Variants in VWA3B observed in about 807,000 individuals in gnomAD.
VWA3B encodes the protein von Willebrand factor A domain-containing protein 3B.
In VWA3B, 138 loss-of-function variants were observed where a neutral mutation model predicts 158.3. That is an observed-to-expected ratio of 0.87 (90% confidence interval 0.76 to 1.00). The LOEUF (loss-of-function observed/expected upper bound fraction) is 1.00. Among genes scored for constraint, VWA3B ranks in the 50% least tolerant of loss-of-function variants. The pLI is 0.00. For synonymous variants in VWA3B, 596 were observed against 587.3 expected (o/e 1.01, Z -0.21); for missense variants, 1,555 against 1,565.1 (o/e 0.99, Z 0.11).
chr2:98,135,562 C>T (rs1240066937), intron 7 of VWA3B, among the ~76,000 whole-genome samples: 5 of 151,662 alleles, frequency 3.3e-5, no homozygotes, highest in Non-Finnish European at 7.4e-5. Context: ...GTCTCGATCT[C>T]CTGACCTCGT....
intron 19 of VWA3B, among the ~76,000 whole-genome samples, chr2:98,239,918 A>G (rs1222924681): frequency 1.3e-5 from 2 of 152,054 alleles, no homozygotes; most frequent in Non-Finnish European, 2.9e-5. Flanking sequence ...ATCTAAAAAA[A>G]AAAAAAGAAA....
At chr2:98,195,314 A>T (rs1681951983) in intron 12 of VWA3B, among the ~76,000 whole-genome samples, 1 of 152,204 alleles carries the variant, frequency 6.6e-6, no homozygotes, top group Non-Finnish European at 1.5e-5. Flanking sequence ...TATCAGAAAC[A>T]TCTTTAAAGT....
chr2:98,305,377 G>A (rs1315262846), intron 26 of VWA3B, among the ~76,000 whole-genome samples: 1 of 152,146 alleles, frequency 6.6e-6, no homozygotes, highest in Non-Finnish European at 1.5e-5. Context: ...AAGAGCATTG[G>A]AACCAAGATT....
intron 12 of VWA3B, among the ~76,000 whole-genome samples, chr2:98,195,338 G>C (rs755695097): frequency 6.6e-6 from 1 of 152,150 alleles, no homozygotes; most frequent in Non-Finnish European, 1.5e-5. Context: ...TTAGTGTCTA[G>C]TTTAGAGTCT....
At chr2:98,264,945 T>A (rs1404898953) in intron 21 of VWA3B, among the ~76,000 whole-genome samples, 1 of 152,158 alleles carries the variant, frequency 6.6e-6, no homozygotes, top group Non-Finnish European at 1.5e-5. Flanking sequence ...TATGGACATT[T>A]TAACAATTAA....
intron 20 of VWA3B, 75 bp downstream of exon 20, chr2:98,250,511 G>T: frequency 6.8e-6 from 8 of 1,182,986 alleles, no homozygotes; most frequent in Middle Eastern, 2.2e-4. Context: ...TCTTGTTTTA[G>T]CTTAGCTTTT....
At chr2:98,088,845 C>T (rs1020437350) in intron 1 of VWA3B, among the ~76,000 whole-genome samples, 4 of 152,070 alleles carry the variant, frequency 2.6e-5, no homozygotes, top group Admixed American at 6.5e-5. Flanking sequence ...CCTCTGCCCC[C>T]TGGGTTCAAG....
intron 1 of VWA3B, among the ~76,000 whole-genome samples, chr2:98,092,504 A>G (rs534494535): frequency 3.5e-4 from 54 of 152,152 alleles, no homozygotes; most frequent in South Asian, 1.5e-3. Context: ...TTAGCTGGGC[A>G]TGGTGGCACG....
intron 2 of VWA3B, among the ~76,000 whole-genome samples, chr2:98,095,191 A>G (rs1427058066): frequency 6.6e-6 from 1 of 152,182 alleles, no homozygotes; most frequent in Non-Finnish European, 1.5e-5. Flanking sequence ...TAGGGGTTAC[A>G]CTAAATCTGT....
chr2:98,254,379 G>A (rs1367073005), intron 20 of VWA3B, among the ~76,000 whole-genome samples: 3 of 152,122 alleles, frequency 2.0e-5, no homozygotes, highest in Non-Finnish European at 4.4e-5. Flanking sequence ...AGGGGATTGT[G>A]AATGGGTTTT....
At chr2:98,315,682 A>C (rs969287724), downstream of VWA3B, among the ~76,000 whole-genome samples, 3 of 152,248 alleles carry the variant, frequency 2.0e-5, no homozygotes, top group East Asian at 5.8e-4. Context: ...TAGATGAAAA[A>C]CTGTCCTTAT....
At chr2:98,327,926 T>C in the VWA3B span, among the ~76,000 whole-genome samples, 1 of 152,178 alleles carries the variant, frequency 6.6e-6, no homozygotes, top group Non-Finnish European at 1.5e-5. Context: ...GGCCCTGACA[T>C]TGTAAGCCCT....
At chr2:98,215,718 G>A (rs1289439384) in intron 13 of VWA3B, among the ~76,000 whole-genome samples, 1 of 151,878 alleles carries the variant, frequency 6.6e-6, no homozygotes, top group African/African-American at 2.4e-5. Flanking sequence ...GGGTTTCACC[G>A]TGTTAGCCAG....
At chr2:98,194,092 A>G in intron 11 of VWA3B, among the ~76,000 whole-genome samples, 1 of 152,334 alleles carries the variant, frequency 6.6e-6, no homozygotes, top group South Asian at 2.1e-4. Context: ...ATGTCACATT[A>G]TATATATAAA....
chr2:98,180,175 C>T (rs1001690345), intron 8 of VWA3B, among the ~76,000 whole-genome samples: 1 of 138,454 alleles, frequency 7.2e-6, no homozygotes, highest in Non-Finnish European at 1.6e-5. Context: ...TTCTCTCTCT[C>T]TCTTTCTTTC....
At chr2:98,128,107 C>G (rs1306041572) in intron 5 of VWA3B, 132 bp from the exon 6 acceptor site, 1 of 1,113,686 alleles carries the variant, frequency 9.0e-7, no homozygotes, top group East Asian at 2.4e-5. Flanking sequence ...CTCAGAAAAC[C>G]CTGGGCAGGG....
At chr2:98,267,127 T>C (rs1213593151) in intron 21 of VWA3B, among the ~76,000 whole-genome samples, 1 of 151,574 alleles carries the variant, frequency 6.6e-6, no homozygotes, top group Non-Finnish European at 1.5e-5. Flanking sequence ...CTTGTGCCAG[T>C]TTTCAAAGGG....
Position 98,180,550 on chromosome 2 carries a change from G to A in VWA3B, c.1115-466G>A, listed in dbSNP as rs373806847. On this transcript the variant is annotated intron_variant, in intron 8 of 27. Transcript: ENST00000477737. ...TACCTAGGAAGGCCAAGCAAATACT[G>A]TCTTCCAGCTGCAGGTGAAGAATCC... is the stretch of plus-strand genomic sequence containing the variant. Among the ~76,000 whole-genome samples, 51 of 152,358 alleles carry A rather than the reference G, an allele frequency of 3.3e-4. No individual in the cohort carries two copies. In the East Asian group the frequency reaches 5.6e-3, roughly 17 times the overall value.
chr2:98,196,346 C>T (rs1682038443), intron 12 of VWA3B, among the ~76,000 whole-genome samples: 1 of 152,144 alleles, frequency 6.6e-6, no homozygotes. Flanking sequence ...ACAACATATA[C>T]ATATATCAAA....
Sources: allele counts gnomAD v4.1 joint callset (sites outside exome capture counted in the v4.1 genomes callset), GRCh38; gene constraint gnomAD v4.1.1; transcripts MANE v1.5; gene names NCBI Gene and HGNC (gene_info 2026-07-23, HGNC 2026-07-21).